ECEL1: variants seen among roughly 807,000 people sequenced by gnomAD.
ECEL1 encodes the protein endothelin converting enzyme like 1, also known as endothelin-converting enzyme-like 1.
A neutral mutation model predicts 101.8 loss-of-function variants in ECEL1; 87 were observed. The ratio of observed to expected loss-of-function variants is 0.85; its 90% CI spans 0.72 to 1.02. The LOEUF is 1.02. Among genes scored for constraint, ECEL1 ranks in the 50% least tolerant of loss-of-function variants. ECEL1 has a pLI of 0.00. For synonymous variants in ECEL1, 487 were observed against 468.7 expected, an observed-to-expected ratio of 1.04 and a Z score of -0.50; for missense variants, 1,032 against 1,079.2, an observed-to-expected ratio of 0.96 and a Z score of 0.61.
rs552692548 is a variant in ECEL1 at position 232,487,019 on chromosome 2, C to G, written c.-101-265G>C. Among the ~76,000 whole-genome samples, 5 of 152,338 alleles carry G rather than the reference C, an allele frequency of 3.3e-5. No individual in the cohort carries two copies. The South Asian group carries it at 6.2e-4, about 19-fold the overall frequency. On this transcript the variant is annotated intron_variant, in intron 1 of 17. Coordinates refer to ENST00000304546, the MANE Select transcript of ECEL1 (RefSeq NM_004826.4). Reference sequence around the variant, plus strand: ...AAGCAAGAGGCGCCAGGCAAGGGGCCTGGCACGTAGTGGGCCTTCATTGAA... The same window carrying G: ...AAGCAAGAGGCGCCAGGCAAGGGGCGTGGCACGTAGTGGGCCTTCATTGAA...
At position 232,486,087 on chromosome 2, in the gene ECEL1, G is replaced by A. The variant is rs770637480; in HGVS notation, c.567C>T (p.Asp189=). Residue 189 remains aspartate (D), a synonymous_variant, in exon 2 of 18, where the codon GAC becomes GAT. Coordinates refer to ENST00000304546, the MANE Select transcript of ECEL1 (RefSeq NM_004826.4). ...KVRAFFRSCL[D]MREIERLGPR... ...GGCCCAGTCGCTCGATCTCGCGCAT[G>A]TCGAGGCACGAGCGGAAGAAGGCGC... The A allele has an allele frequency of 1.9e-5, 30 of 1,599,376 alleles. No individual in the cohort carries two copies. Among genetic ancestry groups the A allele is most frequent in the Non-Finnish European group, 2.4e-5 (28 of 1,174,308 alleles).
chr2:232,486,371 A>G lies in ECEL1; in HGVS notation c.283T>C (p.Cys95Arg). Residue 95 changes from cysteine to arginine, a missense_variant, in exon 2 of 18, where the codon TGT becomes CGT. Transcript: ENST00000304546. Reference protein sequence around the residue: ...LGPVAAGGGACPEGCPERKAF... With the variant: ...LGPVAAGGGARPEGCPERKAF... Reference sequence around the variant, plus strand: ...TTGCGCTCAGGGCAGCCCTCGGGACAGGCGCCGCCGCCGGCCGCGACCGGG... The same window carrying G: ...TTGCGCTCAGGGCAGCCCTCGGGACGGGCGCCGCCGCCGGCCGCGACCGGG... 2 of 1,492,204 alleles carry G rather than the reference A, an allele frequency of 1.3e-6. No homozygotes were observed. The highest frequency in any genetic ancestry group is 2.5e-5 in the South Asian group (2 of 78,540). The allele number at this position is 1,492,204 out of a possible 1,614,324, so 92.4% of individuals were successfully genotyped here. A position where few individuals can be genotyped will look rare whatever the true frequency, so the allele number is the denominator to read the frequency against.
intron 5 of ECEL1, 93 bp from the exon 6 acceptor site, chr2:232,484,689 G>A (rs1690674496): frequency 4.4e-6 from 7 of 1,601,916 alleles, no homozygotes; most frequent in East Asian, 2.2e-5. Flanking sequence ...GGGGACATGA[G>A]AGTCCATGGC....
rs1268691688 is a variant in ECEL1 at position 232,485,329 on chromosome 2, G to GAATTCCCACTCC, written c.787-74_787-63dup. 2.5e-6 allele frequency: 4 copies of GAATTCCCACTCC among 1,570,854 alleles called. No individual in the cohort carries two copies. The African/African-American group carries it at 5.4e-5, about 21-fold the overall frequency. ...ACACCTCAGGTTCCCTAAACAGAGG[G>GAATTCCCACTCC]AATTCCCACTCCAATGCCCAGAGAG... On this transcript the variant is annotated intron_variant, in intron 2 of 17. Transcript: ENST00000304546.
chr2:232,486,976 T>C (rs997714861), intron 1 of ECEL1, among the ~76,000 whole-genome samples: 1 of 152,086 alleles, frequency 6.6e-6, no homozygotes, highest in African/African-American at 2.4e-5. Flanking sequence ...GCCGCAGGGT[T>C]GGGAGGGCTC....
chr2:232,482,706 G>T, intron 10 of ECEL1, 98 bp from the exon 11 acceptor site: 1 of 1,521,976 alleles, frequency 6.6e-7, no homozygotes, highest in South Asian at 1.2e-5. Flanking sequence ...ACAGTCTGGG[G>T]GTCACCCTGC....
intron 8 of ECEL1, 46 bp downstream of exon 8, chr2:232,483,370 G>A (rs1247529508): frequency 2.5e-6 from 4 of 1,575,226 alleles, no homozygotes; most frequent in Admixed American, 1.8e-5. Flanking sequence ...CACAGTAGGT[G>A]CTCAATATAT....
rs1690682213 is a variant in ECEL1, at chr2:232,484,957, AGCCT to A, written c.966+20_966+23del. On this transcript the variant is annotated intron_variant, in intron 4 of 17. Transcript: ENST00000304546. ...TGATGCCCTCCCTCAAGCCCAGGGC[AGCCT>A]CCAGTCCTGGTCTGCTCACGTTGGC... The A allele has an allele frequency of 6.2e-7, 1 of 1,612,750 alleles. No individual in the cohort carries two copies. Among genetic ancestry groups the A allele is most frequent in the Non-Finnish European group, 8.5e-7 (1 of 1,179,912 alleles).
rs375253502 is a variant in ECEL1, at chr2:232,480,631, G to A, written c.2151+87C>T. On this transcript the variant is annotated intron_variant, in intron 16 of 17. Transcript: ENST00000304546. Reference sequence around the variant, plus strand: ...GTGATGACAGACAGGCTGTCCATGCGAAGCCTGGGCAAGGCAGGACTGGGA... The same window carrying A: ...GTGATGACAGACAGGCTGTCCATGCAAAGCCTGGGCAAGGCAGGACTGGGA... 624 of 1,527,354 alleles carry A rather than the reference G, an allele frequency of 4.1e-4. 5 individuals are homozygous for A. In the African/African-American group the frequency reaches 6.7e-3, roughly 16 times the overall value. 94.6% of individuals were successfully genotyped at this position (1,527,354 alleles called of 1,614,324 possible). A position where few individuals can be genotyped will look rare whatever the true frequency, so the allele number is the denominator to read the frequency against.
At chr2:232,483,562 C>G (rs771184462) in intron 7 of ECEL1, 48 bp from the exon 8 acceptor site, 6 of 1,525,292 alleles carry the variant, frequency 3.9e-6, no homozygotes, top group Non-Finnish European at 4.4e-6. Context: ...GCAGCCTGGT[C>G]TATCACTCCT....
Position 232,486,396 on chromosome 2 carries a change from G to T in ECEL1, c.258C>A (p.Gly86=). Residue 86 remains glycine, a synonymous_variant, in exon 2 of 18, where the codon GGC becomes GGA. Coordinates refer to ENST00000304546, the MANE Select transcript of ECEL1 (RefSeq NM_004826.4). ...AGGCGCCGCCGCCGGCCGCGACCGG[G>T]CCCAGGTACTTGAGGGCCAGCATAG... ...LAAMLALKYL[G]PVAAGGGACP... 1 of 1,479,274 alleles carries T rather than the reference G, an allele frequency of 6.8e-7. No homozygotes were observed. The highest frequency in any genetic ancestry group is 8.9e-7 in the Non-Finnish European group (1 of 1,126,766). The allele number at this position is 1,479,274 out of a possible 1,614,324, so 91.6% of individuals were successfully genotyped here. A position where few individuals can be genotyped will look rare whatever the true frequency, so the allele number is the denominator to read the frequency against.
In ECEL1 at chr2:232,482,726, C is replaced by T; in HGVS notation, c.1686-118G>A. The T allele has an allele frequency of 2.7e-6, 4 of 1,500,044 alleles. No homozygotes were observed. The South Asian group carries it at 3.6e-5, about 13-fold the overall frequency. 92.9% of individuals were successfully genotyped at this position (1,500,044 alleles called of 1,614,324 possible). On this transcript the variant is annotated intron_variant, in intron 10 of 17. Coordinates refer to ENST00000304546, the MANE Select transcript of ECEL1 (RefSeq NM_004826.4). ...CTGGGGGTCACCCTGCCGGCCCCCA[C>T]CCCATGCCCTGTGCTGGCGTGTGTG... is the stretch of plus-strand genomic sequence containing the variant.
In ECEL1 at chr2:232,480,239, C is replaced by A. The variant is rs1027424558; in HGVS notation, c.2242G>T (p.Val748Leu). Residue 748 changes from valine (V) to leucine (L), a missense_variant, in exon 18 of 18, where the codon GTG becomes TTG. Physicochemically the swap from Val to Leu is conservative, Grantham distance 32. Transcript: ENST00000304546. ...CGGCCAAACTCCTCAAACTGGGACA[C>A]ACTGCCCAGCACCCTGGGGTGGGGA... ...APEHYRVLGS[V>L]SQFEEFGRAF... 15 of 1,613,876 alleles carry A rather than the reference C, an allele frequency of 9.3e-6. No individual in the cohort carries two copies. Among genetic ancestry groups the A allele is most frequent in the Middle Eastern group, 1.6e-4 (1 of 6,084 alleles).
In ECEL1 at chr2:232,486,584, C is replaced by G. The variant is rs778961704; in HGVS notation, c.70G>C (p.Gly24Arg). 2 of 1,413,180 alleles carry G rather than the reference C, an allele frequency of 1.4e-6. No individual in the cohort carries two copies. Among genetic ancestry groups the G allele is most frequent in the Non-Finnish European group, 1.8e-6 (2 of 1,085,850 alleles). The allele number at this position is 1,413,180 out of a possible 1,614,324, so 87.5% of individuals were successfully genotyped here. The change falls in exon 2 of 18, where the codon GGC (glycine) becomes CGC (arginine). Residue 24 changes from glycine (G) to arginine (R), a missense_variant. Coordinates refer to ENST00000304546, the MANE Select transcript of ECEL1 (RefSeq NM_004826.4). Reference sequence around the variant, plus strand: ...GAGGCCCCGCGCGCGCCCCCCGCGCCGCAGCGGCTCACGTACTTGACCTCT... The same window carrying G: ...GAGGCCCCGCGCGCGCCCCCCGCGCGGCAGCGGCTCACGTACTTGACCTCT... ...FQEVKYVSRC[G>R]AGGARGASLP...
In ECEL1 at chr2:232,484,417, GC is replaced by G. The variant is rs1690665770; in HGVS notation, c.1184+54del. Reference sequence around the variant, plus strand: ...CCCACCCAGCAGAGAGGTCCAGGGTGCAGGGGAAGGACCTAGTGACCGCTGG... The same window carrying G: ...CCCACCCAGCAGAGAGGTCCAGGGTGAGGGGAAGGACCTAGTGACCGCTGG... On this transcript the variant is annotated intron_variant, in intron 6 of 17. Coordinates refer to ENST00000304546, the MANE Select transcript of ECEL1 (RefSeq NM_004826.4). The G allele has an allele frequency of 5.0e-6, 8 of 1,604,922 alleles. 1 individual carries two copies. In the South Asian group the frequency reaches 8.9e-5, roughly 18 times the overall value.
At chr2:232,485,764 C>A in intron 2 of ECEL1, 104 bp downstream of exon 2, 1 of 1,411,570 alleles carries the variant, frequency 7.1e-7, no homozygotes, top group Non-Finnish European at 9.5e-7. Context: ...TCTCTTCCCT[C>A]CTCTCCTCTC....
At position 232,480,827 on chromosome 2, in the gene ECEL1, G is replaced by C. The variant is rs1286043926; in HGVS notation, c.2056-14C>G. 2 of 1,609,450 alleles carry C rather than the reference G, an allele frequency of 1.2e-6. No individual in the cohort carries two copies. Among genetic ancestry groups the C allele is most frequent in the Non-Finnish European group, 1.7e-6 (2 of 1,177,878 alleles). On this transcript the variant is annotated splice_polypyrimidine_tract_variant and intron_variant, in intron 15 of 17. Coordinates refer to ENST00000304546, the MANE Select transcript of ECEL1 (RefSeq NM_004826.4). ...CTTCTGATAGGCCTGGGGACACAGA[G>C]AGCATGGACCTGCTATGCCCGCCCA... is the stretch of plus-strand genomic sequence containing the variant.
chr2:232,482,413 C>T lies in ECEL1; in HGVS notation c.1796+5G>A. The stretch of plus-strand genomic sequence containing the variant: ...AGCCACAAACAGGGCAAGCTATGTA[C>T]TCACTGTGGGAAGTCAGGGTCGTAC... On this transcript the variant is annotated splice_donor_5th_base_variant and intron_variant, in intron 12 of 17. Transcript: ENST00000304546. 1.2e-6 allele frequency: 2 copies of T among 1,613,916 alleles called. No individual in the cohort carries two copies. Among genetic ancestry groups the T allele is most frequent in the Non-Finnish European group, 1.7e-6 (2 of 1,180,030 alleles).
At position 232,486,135 on chromosome 2, in the gene ECEL1, GCCA is replaced by G; in HGVS notation, c.516_518del (p.Gly174del). On this transcript the variant is annotated inframe_deletion, in exon 2 of 18. Transcript: ENST00000304546. Reference sequence around the variant, plus strand: ...CGCGCACCTTGCGCTGGGCCGCGCCGCCAGGCCCACCCCCGGGCCGCGCCAGCA... The same window carrying G: ...CGCGCACCTTGCGCTGGGCCGCGCCGGGCCCACCCCCGGGCCGCGCCAGCA... 39 of 1,563,104 alleles carry G rather than the reference GCCA, an allele frequency of 2.5e-5. No homozygotes were observed. Among genetic ancestry groups the G allele is most frequent in the Non-Finnish European group, 3.4e-5 (39 of 1,158,990 alleles).
Sources: gnomAD v4.1 joint callset for allele counts (sites outside exome capture counted in the v4.1 genomes callset) on GRCh38, gnomAD v4.1.1 for gene constraint, MANE v1.5 for transcripts, NCBI Gene and HGNC (gene_info 2026-07-23, HGNC 2026-07-21) for gene names.